Variants in CCDC74B observed in about 807,000 individuals in gnomAD.
CCDC74B encodes the protein coiled-coil domain containing 74B.
Under a neutral mutation model 38.0 loss-of-function variants are expected in CCDC74B, and 34 were observed. The ratio of observed to expected loss-of-function variants is 0.89; its 90% CI spans 0.68 to 1.19. The LOEUF (loss-of-function observed/expected upper bound fraction) is 1.19. Ranked by LOEUF, CCDC74B falls within the 50% of genes most tolerant of loss-of-function variation. The probability of loss-of-function intolerance (pLI) is 0.00; values close to 1 mark genes in which losing one functional copy is unlikely to be tolerated. For synonymous variants in CCDC74B, 132 were observed against 170.4 expected (o/e 0.77, Z 1.76); for missense variants, 358 against 406.0 (o/e 0.88, Z 1.02).
At position 130,139,650 on chromosome 2, in the gene CCDC74B, G is replaced by T. The variant is rs1351238346; in HGVS notation, c.850C>A (p.Pro284Thr). Residue 284 changes from proline to threonine, a missense_variant, in exon 8 of 8, where the codon CCC becomes ACC. This residue lies in a region of CCDC74B where 213 missense variants were observed against 212.3 expected (regional missense o/e 1.00). Transcript: ENST00000409943. ...SPPVAERAIL[P>T]ALKQTPKNNF... ...TTCTTCGGGGTCTGCTTCAGTGCGGGCAGGATGGCACGCTCCGCCACAGGT... is the reference window on the plus strand; with the variant it reads ...TTCTTCGGGGTCTGCTTCAGTGCGGTCAGGATGGCACGCTCCGCCACAGGT... The T allele has an allele frequency of 6.2e-7, 1 of 1,613,230 alleles. No homozygotes were observed. Among genetic ancestry groups the T allele is most frequent in the South Asian group, 1.1e-5 (1 of 91,036 alleles).
chr2:130,143,979 T>G, intron 1 of CCDC74B, among the ~76,000 whole-genome samples: 1 of 109,580 alleles, frequency 9.1e-6, no homozygotes, highest in Non-Finnish European at 1.7e-5. Context: ...AGGGTGCAGT[T>G]GGGAAGGCCC....
chr2:130,140,380 G>A lies in CCDC74B; in HGVS notation c.486-9C>T. 2 of 1,556,254 alleles carry A rather than the reference G, an allele frequency of 1.3e-6. No homozygotes were observed. The highest frequency in any genetic ancestry group is 1.7e-6 in the Non-Finnish European group (2 of 1,152,412). ...CCTCTGCTTTCTCCTTTCTGAAACA[G>A]TCATTGCAGCAGCCAGAGGTGACCT... On this transcript the variant is annotated splice_polypyrimidine_tract_variant and intron_variant, in intron 4 of 7. Transcript: ENST00000409943.
At chr2:130,142,044 G>GT (rs1685667111) in intron 3 of CCDC74B, 89 bp downstream of exon 3, 1 of 1,569,782 alleles carries the variant, frequency 6.4e-7, no homozygotes, top group Non-Finnish European at 8.6e-7. Flanking sequence ...CCAGCAGAGG[G>GT]TACCTGGTCA....
At position 130,140,756 on chromosome 2, in the gene CCDC74B, C is replaced by T. The variant is rs566442090; in HGVS notation, c.486-385G>A. 143 of 333,022 alleles carry T rather than the reference C, an allele frequency of 4.3e-4. No homozygotes were observed. The South Asian group carries it at 6.4e-3, about 15-fold the overall frequency. 20.6% of individuals were successfully genotyped at this position (333,022 alleles called of 1,614,324 possible). A position where few individuals can be genotyped will look rare whatever the true frequency, so the allele number is the denominator to read the frequency against. The stretch of plus-strand genomic sequence containing the variant: ...TAGCATCTCAGGGCAGTCCCGCAAA[C>T]TCAGGGATCACCAGAACCTGTTCCT... On this transcript the variant is annotated intron_variant, in intron 4 of 7. Coordinates refer to ENST00000409943, the MANE Select transcript of CCDC74B (RefSeq NM_001258307.2).
intron 2 of CCDC74B, chr2:130,142,797 C>T: frequency 6.5e-7 from 1 of 1,549,594 alleles, no homozygotes; most frequent in South Asian, 1.2e-5. Flanking sequence ...TGCTTCCTCC[C>T]TTTGTCCCCA....
chr2:130,140,313 G>A lies in CCDC74B; in HGVS notation c.544C>T (p.Gln182Ter). ...GCCGCCGCCCCCATCTGCCTGCCCTGGTGCTGGCTGTTCCCCATACAGGCA... is the reference window on the plus strand; with the variant it reads ...GCCGCCGCCCCCATCTGCCTGCCCTAGTGCTGGCTGTTCCCCATACAGGCA... ...GAACMGNSQH[Q>*]GRQMGAAAHP... Residue 182 changes from glutamine to a stop codon, truncating the protein, a stop_gained, in exon 5 of 8, where the codon CAG becomes TAG. Transcript: ENST00000409943. LOFTEE classifies it high-confidence loss of function. 6.2e-7 allele frequency: 1 copy of A among 1,611,874 alleles called. No individual in the cohort carries two copies. The highest frequency in any genetic ancestry group is 1.1e-5 in the South Asian group (1 of 90,684).
intron 1 of CCDC74B, among the ~76,000 whole-genome samples, chr2:130,143,926 A>G (rs1440993670): frequency 2.8e-5 from 3 of 107,660 alleles, no homozygotes; most frequent in African/African-American, 3.5e-5. Flanking sequence ...GGGGTGGGGG[A>G]GGAGGGAGGG....
rs746992987 is a variant in CCDC74B at position 130,144,959 on chromosome 2, G to A, written c.38C>T (p.Pro13Leu). Reference protein sequence around the residue: ...GAGVAAGTRPPSSPTPGSRRR... With the variant: ...GAGVAAGTRPLSSPTPGSRRR... ...CCGAGAGCCCGGGGTCGGCGAGCTG[G>A]GGGGCCGCGTCCCAGCCGCCACCCC... The change falls in exon 1 of 8, where the codon CCC becomes CTC. Residue 13 changes from proline to leucine, a missense_variant. Pro to Leu is a moderately conservative substitution (Grantham distance 98). Around this residue, in one of 3 missense-constraint regions of CCDC74B, gnomAD observed 128 missense variants for 146.7 expected, o/e 0.87. Transcript: ENST00000409943. The A allele has an allele frequency of 1.1e-5, 17 of 1,486,418 alleles. No individual in the cohort carries two copies. In the East Asian group the frequency reaches 4.1e-4, roughly 35 times the overall value. 92.1% of individuals were successfully genotyped at this position (1,486,418 alleles called of 1,614,324 possible).
At position 130,139,611 on chromosome 2, in the gene CCDC74B, T is replaced by C. The variant is rs751795227; in HGVS notation, c.889A>G (p.Arg297Gly). 3 of 1,613,360 alleles carry C rather than the reference T, an allele frequency of 1.9e-6. No individual in the cohort carries two copies. Among genetic ancestry groups the C allele is most frequent in the African/African-American group, 2.7e-5 (2 of 74,936 alleles). The change falls in exon 8 of 8, where the codon AGG (arginine) becomes GGG (glycine). Residue 297 changes from arginine (R) to glycine (G), a missense_variant. Arg to Gly is a moderately radical substitution (Grantham distance 125). Around this residue, in one of 3 missense-constraint regions of CCDC74B, gnomAD observed 213 missense variants for 212.3 expected, o/e 1.00. Coordinates refer to ENST00000409943, the MANE Select transcript of CCDC74B (RefSeq NM_001258307.2). ...KQTPKNNFAE[R>G]QKRLQAMQKR... ...TGCATTGCCTGCAGCCTCTTCTGCC[T>C]CTCGGCAAAGTTGTTCTTCGGGGTC...
chr2:130,141,118 C>T lies in CCDC74B; in HGVS notation c.485+40G>A, dbSNP rs781617370. 139 of 1,610,932 alleles carry T rather than the reference C, an allele frequency of 8.6e-5. 1 individual carries two copies. In the South Asian group the frequency reaches 1.5e-3, roughly 18 times the overall value. ...GCCCTTAGGGTGCAGGCAAGACTTA[C>T]CTGGCCTGCCCTTGCACCCCAGGAA... On this transcript the variant is annotated intron_variant, in intron 4 of 7. Coordinates refer to ENST00000409943, the MANE Select transcript of CCDC74B (RefSeq NM_001258307.2).
intron 5 of CCDC74B, 38 bp downstream of exon 5, chr2:130,140,141 A>G: frequency 1.9e-6 from 3 of 1,611,626 alleles, no homozygotes; most frequent in Non-Finnish European, 1.7e-6. Flanking sequence ...TGGCGGTGCC[A>G]GACTGCCCAG....
chr2:130,139,886 C>T lies in CCDC74B; in HGVS notation c.809+5G>A, dbSNP rs1296297452. The T allele has an allele frequency of 9.9e-6, 16 of 1,610,792 alleles. No individual in the cohort carries two copies. The South Asian group carries it at 1.3e-4, about 13-fold the overall frequency. On this transcript the variant is annotated splice_donor_5th_base_variant and intron_variant, in intron 7 of 7. Transcript: ENST00000409943. ...CCCCACTGTCCCCATGCCTGTGGGA[C>T]TTACCATTTCTTGGAGAGGCTCTTG...
chr2:130,143,945 G>T (rs1227838480), intron 1 of CCDC74B, among the ~76,000 whole-genome samples: 5 of 148,320 alleles, frequency 3.4e-5, no homozygotes, highest in Non-Finnish European at 1.5e-5. Context: ...GGAGAAAGGG[G>T]GGCGTGGGGG....
Position 130,139,620 on chromosome 2 carries a change from A to G in CCDC74B, c.880T>C (p.Phe294Leu). Reference sequence around the variant, plus strand: ...TGCAGCCTCTTCTGCCTCTCGGCAAAGTTGTTCTTCGGGGTCTGCTTCAGT... The same window carrying G: ...TGCAGCCTCTTCTGCCTCTCGGCAAGGTTGTTCTTCGGGGTCTGCTTCAGT... ...PALKQTPKNN[F>L]AERQKRLQAM... Residue 294 changes from phenylalanine to leucine, a missense_variant, in exon 8 of 8, where the codon TTT (phenylalanine) becomes CTT (leucine). Phe to Leu is a conservative substitution (Grantham distance 22, BLOSUM62 0). Around this residue, in one of 3 missense-constraint regions of CCDC74B, gnomAD observed 213 missense variants for 212.3 expected, o/e 1.00. Coordinates refer to ENST00000409943, the MANE Select transcript of CCDC74B (RefSeq NM_001258307.2). The G allele has an allele frequency of 3.7e-6, 6 of 1,613,386 alleles. No individual in the cohort carries two copies. The highest frequency in any genetic ancestry group is 5.1e-6 in the Non-Finnish European group (6 of 1,179,958).
chr2:130,143,801 G>C (rs979006641), intron 1 of CCDC74B, among the ~76,000 whole-genome samples: 3 of 152,082 alleles, frequency 2.0e-5, no homozygotes, highest in South Asian at 2.1e-4. Flanking sequence ...CAGGGAACGG[G>C]GCGGGAGAGG....
rs551616328 is a variant in CCDC74B, at chr2:130,140,303, T to C, written c.554A>G (p.Gln185Arg). The change falls in exon 5 of 8, where the codon CAG becomes CGG. Residue 185 changes from glutamine (Q) to arginine (R), a missense_variant. Physicochemically the swap from Gln to Arg is conservative, Grantham distance 43. Transcript: ENST00000409943. ...CMGNSQHQGR[Q>R]MGAAAHPPMI... ...TGGGGGGTGTGCCGCCGCCCCCATC[T>C]GCCTGCCCTGGTGCTGGCTGTTCCC... is the stretch of plus-strand genomic sequence containing the variant. 5.6e-6 allele frequency: 9 copies of C among 1,612,744 alleles called. No individual in the cohort carries two copies. In the East Asian group the frequency reaches 2.0e-4, roughly 36 times the overall value.
At position 130,142,857 on chromosome 2, in the gene CCDC74B, G is replaced by C. The variant is rs1356183804; in HGVS notation, c.295+412C>G. The C allele has an allele frequency of 1.9e-6, 3 of 1,550,370 alleles. No homozygotes were observed. The South Asian group carries it at 3.6e-5, about 18-fold the overall frequency. ...GGGATCCCTGGATGGAGTGTGTCCA[G>C]AGCCCCTGGGCCCCCAGCATGTCAG... On this transcript the variant is annotated intron_variant, in intron 2 of 7. Coordinates refer to ENST00000409943, the MANE Select transcript of CCDC74B (RefSeq NM_001258307.2).
At chr2:130,143,770 G>A (rs146913239) in intron 1 of CCDC74B, among the ~76,000 whole-genome samples, 5,813 of 152,106 alleles carry the variant, frequency 0.038, 370 homozygotes, top group African/African-American at 0.13. Flanking sequence ...TGGGATACTC[G>A]GCACTCAGGT....
chr2:130,139,481 T>A lies in CCDC74B; in HGVS notation c.*74A>T, dbSNP rs1316473606. 3.2e-6 allele frequency: 5 copies of A among 1,542,454 alleles called. No homozygotes were observed. Among genetic ancestry groups the A allele is most frequent in the Non-Finnish European group, 4.4e-6 (5 of 1,140,234 alleles). On this transcript the variant is annotated 3_prime_UTR_variant, in exon 8 of 8. Coordinates refer to ENST00000409943, the MANE Select transcript of CCDC74B (RefSeq NM_001258307.2). ...TAGCCAGGCCTAAAAGTAGCGGAAGTGTCAGGAAATGCTATAGAGAGCCAA... is the reference window on the plus strand; with the variant it reads ...TAGCCAGGCCTAAAAGTAGCGGAAGAGTCAGGAAATGCTATAGAGAGCCAA...
Sources: gnomAD v4.1 joint callset for allele counts (sites outside exome capture counted in the v4.1 genomes callset) on GRCh38, gnomAD v4.1.1 for gene constraint, gnomAD v4.1.1 regional missense constraint, MANE v1.5 for transcripts, NCBI Gene and HGNC (gene_info 2026-07-23, HGNC 2026-07-21) for gene names.